PRKG1: variants seen among roughly 807,000 people sequenced by gnomAD.
PRKG1 encodes cGMP-dependent protein kinase 1.
In PRKG1, 35 loss-of-function variants were observed where a neutral mutation model predicts 88.1. That is an observed-to-expected ratio of 0.40 (90% CI 0.30 to 0.53). PRKG1 has a LOEUF of 0.53. Among genes scored for constraint, PRKG1 ranks in the 20% least tolerant of loss-of-function variants. The pLI, the probability that PRKG1 is intolerant of heterozygous loss-of-function variation, is 0.59. For missense variants in PRKG1, 540 were observed against 839.8 expected, an observed-to-expected ratio of 0.64 and a Z score of 4.41; for synonymous variants, 303 against 292.5, an observed-to-expected ratio of 1.04 and a Z score of -0.37.
intron 4 of PRKG1, among the ~76,000 whole-genome samples, chr10:51,852,947 T>C (rs948553866): frequency 2.0e-5 from 3 of 152,172 alleles, no homozygotes; most frequent in African/African-American, 7.2e-5. Context: ...CATATTATTT[T>C]TAAACTGTTA....
chr10:52,051,068 G>A (rs921488666), intron 5 of PRKG1, among the ~76,000 whole-genome samples: 4 of 152,144 alleles, frequency 2.6e-5, no homozygotes, highest in East Asian at 3.9e-4. Flanking sequence ...CAATAAGAAC[G>A]AATGGCCTCA....
intron 3 of PRKG1, among the ~76,000 whole-genome samples, chr10:51,535,410 A>G (rs1474151929): frequency 6.6e-6 from 1 of 152,226 alleles, no homozygotes; most frequent in African/African-American, 2.4e-5. Context: ...AAACTGCACC[A>G]ATCAGAACTT....
At chr10:51,128,560 G>A (rs982769478) in intron 1 of PRKG1, among the ~76,000 whole-genome samples, 1 of 152,146 alleles carries the variant, frequency 6.6e-6, no homozygotes, top group Non-Finnish European at 1.5e-5. Flanking sequence ...TGGCAGCAAC[G>A]TGACCTCTAG....
At chr10:51,402,150 T>A (rs559120522) in intron 2 of PRKG1, among the ~76,000 whole-genome samples, 1 of 152,348 alleles carries the variant, frequency 6.6e-6, no homozygotes, top group South Asian at 2.1e-4. Context: ...TTAACATTTA[T>A]CCTTCCTGAT....
At chr10:50,997,664 G>C (rs1450654355) in intron 1 of PRKG1, among the ~76,000 whole-genome samples, 1 of 152,138 alleles carries the variant, frequency 6.6e-6, no homozygotes, top group Non-Finnish European at 1.5e-5. Flanking sequence ...GTTTCTTGTA[G>C]CTCTTGGAAG....
chr10:51,113,728 TAAAAA>T (rs59764267), intron 1 of PRKG1, among the ~76,000 whole-genome samples: 1 of 92,416 alleles, frequency 1.1e-5, no homozygotes, highest in Non-Finnish European at 2.3e-5. Flanking sequence ...GCATTCTATT[TAAAAA>T]AAAAAAAAAA....
intron 3 of PRKG1, among the ~76,000 whole-genome samples, chr10:51,585,557 A>G (rs1838151809): frequency 6.6e-6 from 1 of 152,120 alleles, no homozygotes; most frequent in Admixed American, 6.6e-5. Flanking sequence ...TGCGAATTCC[A>G]GGAGCTTTCT....
intron 2 of PRKG1, among the ~76,000 whole-genome samples, chr10:51,349,478 G>T (rs1842191018): frequency 6.7e-6 from 1 of 149,654 alleles, no homozygotes. Context: ...GTGTGTGTGT[G>T]TGTGTATGTG....
intron 2 of PRKG1, among the ~76,000 whole-genome samples, chr10:51,203,638 C>T (rs1837969466): frequency 6.6e-6 from 1 of 152,210 alleles, no homozygotes; most frequent in South Asian, 2.1e-4. Flanking sequence ...CGCTTGAATC[C>T]TGGCTCCACC....
intron 17 of PRKG1, among the ~76,000 whole-genome samples, chr10:52,291,897 C>T (rs1230019882): frequency 6.6e-6 from 1 of 152,140 alleles, no homozygotes; most frequent in Non-Finnish European, 1.5e-5. Context: ...TATTTCTCCA[C>T]ATCCTCTCCA....
chr10:51,454,550 T>A lies in PRKG1; in HGVS notation c.479-13173T>A, dbSNP rs190456643. Among the ~76,000 whole-genome samples, 361 of 152,270 alleles carry A rather than the reference T, an allele frequency of 2.4e-3. 1 individual carries two copies. Among genetic ancestry groups the A allele is most frequent in the Non-Finnish European group, 3.2e-3 (219 of 68,014 alleles). ...CTGATAATAAAGACATACCTGAGAC[T>A]GGGTAATTTATAAGGAAAAGAGGTT... On this transcript the variant is annotated intron_variant, in intron 2 of 17. Transcript: ENST00000373980.
intron 3 of PRKG1, among the ~76,000 whole-genome samples, chr10:51,554,509 A>G: frequency 6.7e-6 from 1 of 149,990 alleles, no homozygotes; most frequent in East Asian, 2.0e-4. Flanking sequence ...TGAATCCCTA[A>G]TCATTTATTT....
At chr10:52,166,839 G>GTATATATATATGTATATATATGTA (rs375678645) in intron 9 of PRKG1, among the ~76,000 whole-genome samples, 1,685 of 90,444 alleles carry the variant, frequency 0.019, 135 homozygotes, top group Middle Eastern at 0.052. Context: ...GTATATATAT[G>GTATATATATATGTATATATATGTA]TATATATATG....
intron 5 of PRKG1, among the ~76,000 whole-genome samples, chr10:51,925,440 G>A (rs1456812749): frequency 6.6e-6 from 1 of 152,034 alleles, no homozygotes; most frequent in Non-Finnish European, 1.5e-5. Flanking sequence ...CTATATTCCT[G>A]TGTTTAGGTG....
chr10:51,965,719 T>G (rs987812748), intron 5 of PRKG1, among the ~76,000 whole-genome samples: 9 of 152,150 alleles, frequency 5.9e-5, no homozygotes, highest in Non-Finnish European at 1.2e-4. Context: ...TGAAAGTATT[T>G]ACAAATTCCA....
chr10:51,208,011 G>A (rs1838107725), intron 2 of PRKG1, among the ~76,000 whole-genome samples: 1 of 152,072 alleles, frequency 6.6e-6, no homozygotes, highest in Non-Finnish European at 1.5e-5. Flanking sequence ...GATGCAGTAG[G>A]GACTCTGTCT....
chr10:52,029,283 T>C (rs1845420372), intron 5 of PRKG1, among the ~76,000 whole-genome samples: 1 of 152,256 alleles, frequency 6.6e-6, no homozygotes. Flanking sequence ...ATGAATTTCT[T>C]TCCATTATAG....
intron 14 of PRKG1, among the ~76,000 whole-genome samples, chr10:52,286,194 C>T (rs1226970790): frequency 6.6e-6 from 1 of 152,014 alleles, no homozygotes. Context: ...CATAAAAACA[C>T]GGCATGTGTG....
At chr10:51,590,097 A>C (rs1838272887) in intron 3 of PRKG1, among the ~76,000 whole-genome samples, 1 of 152,216 alleles carries the variant, frequency 6.6e-6, no homozygotes, top group Admixed American at 6.5e-5. Context: ...TGTCAAAAAC[A>C]AGATTTTTTT....
Sources: allele counts gnomAD v4.1 joint callset (sites outside exome capture counted in the v4.1 genomes callset), GRCh38; gene constraint gnomAD v4.1.1; transcripts MANE v1.5; gene names NCBI Gene and HGNC (gene_info 2026-07-23, HGNC 2026-07-21).